The following TUT4 variants were observed in gnomAD, a reference collection of about 807,000 sequenced individuals.
The protein encoded by TUT4 is terminal uridylyltransferase 4.
TUT4 carries 36 observed loss-of-function variants against 192.2 expected under a neutral mutation model. That is an observed-to-expected ratio of 0.19 (90% CI 0.14 to 0.25). TUT4 has a LOEUF of 0.25. TUT4 is among the 10% of genes least tolerant of loss of function. The pLI is 1.00. For missense variants in TUT4, 1,493 were observed against 1,957.2 expected (o/e 0.76, Z 4.47); for synonymous variants, 618 against 666.0 (o/e 0.93, Z 1.11).
At chr1:52,458,171 T>G (rs1255670115) in intron 20 of TUT4, among the ~76,000 whole-genome samples, 165 bp downstream of exon 20, 1 of 152,142 alleles carries the variant, frequency 6.6e-6, no homozygotes, top group Non-Finnish European at 1.5e-5. Flanking sequence ...CATAATAAAT[T>G]TTTCAAAAAT....
At chr1:52,511,869 A>C (rs561436941) in intron 3 of TUT4, among the ~76,000 whole-genome samples, 1 of 152,234 alleles carries the variant, frequency 6.6e-6, no homozygotes, top group Non-Finnish European at 1.5e-5. Context: ...TTTGCTTTCT[A>C]TATTGAGAAT....
chr1:52,496,679 A>T (rs1672521999), intron 5 of TUT4, among the ~76,000 whole-genome samples: 1 of 152,178 alleles, frequency 6.6e-6, no homozygotes, highest in Non-Finnish European at 1.5e-5. Flanking sequence ...CAGTGACTGG[A>T]TGAAATGTTT....
chr1:52,473,412 C>A (rs765556120), intron 13 of TUT4, among the ~76,000 whole-genome samples: 1 of 151,980 alleles, frequency 6.6e-6, no homozygotes, highest in Non-Finnish European at 1.5e-5. Flanking sequence ...TAATAAGGTA[C>A]CTCTTAAGTT....
intron 1 of TUT4, among the ~76,000 whole-genome samples, chr1:52,547,214 A>G (rs561635482): frequency 4.0e-5 from 6 of 150,580 alleles, no homozygotes; most frequent in African/African-American, 1.5e-4. Flanking sequence ...AAAACTCAAC[A>G]ATTTTTAAAA....
At chr1:52,505,050 A>G (rs1478832956) in intron 4 of TUT4, among the ~76,000 whole-genome samples, 3 of 152,210 alleles carry the variant, frequency 2.0e-5, no homozygotes, top group Non-Finnish European at 4.4e-5. Flanking sequence ...GGTTGTATAA[A>G]TATCTCTTTG....
intron 24 of TUT4, 111 bp from the exon 25 acceptor site, chr1:52,438,446 C>A: frequency 1.5e-6 from 1 of 689,176 alleles, no homozygotes; most frequent in Non-Finnish European, 2.4e-6. Flanking sequence ...AAAATAACAG[C>A]AACAAATATT....
Position 52,488,236 on chromosome 1 carries a change from T to G in TUT4, c.1515+673A>C, listed in dbSNP as rs12069087. Among the ~76,000 whole-genome samples, 308 of 152,312 alleles carry G rather than the reference T, an allele frequency of 2.0e-3. 1 individual carries two copies. Among genetic ancestry groups the G allele is most frequent in the African/African-American group, 7.1e-3 (296 of 41,578 alleles). On this transcript the variant is annotated intron_variant, in intron 9 of 29. Transcript: ENST00000257177. ...CCCCTTAACCAGTTTTCTTTGTATA[T>G]GACTGAGAATTTACTCACCAGTCTA...
intron 26 of TUT4, among the ~76,000 whole-genome samples, chr1:52,435,911 G>GTCTC (rs143687198): frequency 1.0e-4 from 15 of 147,918 alleles, no homozygotes; most frequent in African/African-American, 2.7e-4. Context: ...CTCTCTCTAT[G>GTCTC]TCTCTCTCTC....
At chr1:52,543,595 T>C (rs113162433) in intron 1 of TUT4, among the ~76,000 whole-genome samples, 3 of 151,662 alleles carry the variant, frequency 2.0e-5, no homozygotes, top group African/African-American at 4.8e-5. Flanking sequence ...GCGATTCTCC[T>C]GCCTCAGCCT....
At chr1:52,510,334 A>G (rs1205226611) in intron 3 of TUT4, among the ~76,000 whole-genome samples, 3 of 151,420 alleles carry the variant, frequency 2.0e-5, no homozygotes, top group Non-Finnish European at 2.9e-5. Context: ...AAAAAAAAAA[A>G]AAAAAAAGAA....
At chr1:52,502,151 A>T (rs1674299875) in intron 4 of TUT4, among the ~76,000 whole-genome samples, 1 of 152,058 alleles carries the variant, frequency 6.6e-6, no homozygotes, top group African/African-American at 2.4e-5. Flanking sequence ...TTTCAAAAAA[A>T]AAAAAAACCT....
intron 5 of TUT4, 29 bp from the exon 6 acceptor site, chr1:52,495,544 GA>G: frequency 6.6e-7 from 1 of 1,521,056 alleles, no homozygotes; most frequent in Non-Finnish European, 9.0e-7. Context: ...ATCAAAGCAT[GA>G]AATAGCATGC....
intron 7 of TUT4, among the ~76,000 whole-genome samples, chr1:52,492,369 C>G (rs112985212): frequency 6.6e-6 from 1 of 152,016 alleles, no homozygotes; most frequent in African/African-American, 2.4e-5. Flanking sequence ...CTCTTCTAAC[C>G]CAAATTGCAA....
chr1:52,461,282 CAGATTTAA>C, intron 18 of TUT4, 59 bp from the exon 19 acceptor site: 2 of 1,487,884 alleles, frequency 1.3e-6, no homozygotes, highest in Non-Finnish European at 9.2e-7. Context: ...AACTACAAAT[CAGATTTAA>C]AAGTAAAATA....
intron 19 of TUT4, among the ~76,000 whole-genome samples, chr1:52,458,840 GAATGT>G: frequency 6.6e-6 from 1 of 152,168 alleles, no homozygotes; most frequent in East Asian, 1.9e-4. Context: ...CCTATTCTAA[GAATGT>G]ACCCTGCAAA....
chr1:52,467,670 C>T (rs552883109), intron 15 of TUT4, among the ~76,000 whole-genome samples: 18 of 152,298 alleles, frequency 1.2e-4, no homozygotes, highest in Non-Finnish European at 2.4e-4. Flanking sequence ...TTTCTACCAA[C>T]ATCCATAAGG....
rs373752909 is a variant in TUT4 at position 52,481,509 on chromosome 1, T to C, written c.1762A>G (p.Lys588Glu). The C allele has an allele frequency of 1.6e-5, 26 of 1,613,912 alleles. No individual in the cohort carries two copies. The highest frequency in any genetic ancestry group is 7.7e-5 in the South Asian group (7 of 91,076). ...TEKNSIAEENKAKADQPKDDT... is the reference protein window; with the variant it reads ...TEKNSIAEENEAKADQPKDDT... ...TCTTTTGGTTGGTCTGCCTTAGCTT[T>C]GTTTTCCTCAGCAATTGAGTTTTTC... The change falls in exon 11 of 30, where the codon AAA becomes GAA. Residue 588 changes from lysine (K) to glutamate (E), a missense_variant. By Grantham distance (56) the Lys-to-Glu change is moderately conservative. This residue lies in a region of TUT4 where 437 missense variants were observed against 577.6 expected (regional missense o/e 0.76). Transcript: ENST00000257177.
intron 20 of TUT4, among the ~76,000 whole-genome samples, chr1:52,451,353 TATC>T (rs1176061911): frequency 6.6e-6 from 1 of 151,904 alleles, no homozygotes; most frequent in Non-Finnish European, 1.5e-5. Context: ...AAATTTTAAA[TATC>T]ATCCAGTGAA....
intron 19 of TUT4, among the ~76,000 whole-genome samples, chr1:52,458,881 TAAG>T (rs755216384): frequency 2.0e-5 from 3 of 152,222 alleles, no homozygotes; most frequent in South Asian, 2.1e-4. Flanking sequence ...GTGAAATGAC[TAAG>T]AAGGTTTTTT....
Sources: gnomAD v4.1 joint callset for allele counts (sites outside exome capture counted in the v4.1 genomes callset) on GRCh38, gnomAD v4.1.1 for gene constraint, gnomAD v4.1.1 regional missense constraint, MANE v1.5 for transcripts, NCBI Gene and HGNC (gene_info 2026-07-23, HGNC 2026-07-21) for gene names.